Variants in TMTC2 observed in about 807,000 individuals in gnomAD.
TMTC2 encodes protein O-mannosyl-transferase TMTC2.
TMTC2 carries 43 observed loss-of-function variants against 82.4 expected under a neutral mutation model. That is an observed-to-expected ratio of 0.52 (90% CI 0.41 to 0.67). TMTC2 has a LOEUF of 0.67. TMTC2 is among the 30% of genes least tolerant of loss of function. TMTC2 has a pLI of 0.00. For synonymous variants in TMTC2, 408 were observed against 381.9 expected (o/e 1.07, Z -0.80); for missense variants, 919 against 1,012.4 (o/e 0.91, Z 1.25).
At chr12:82,732,379 G>T (rs1043770726) in intron 1 of TMTC2, among the ~76,000 whole-genome samples, 1 of 151,644 alleles carries the variant, frequency 6.6e-6, no homozygotes, top group Non-Finnish European at 1.5e-5. Flanking sequence ...TTCTTGTCCT[G>T]TCGCCCAGGC....
intron 11 of TMTC2, among the ~76,000 whole-genome samples, chr12:83,091,659 A>G (rs995256152): frequency 6.6e-6 from 1 of 152,076 alleles, no homozygotes; most frequent in Non-Finnish European, 1.5e-5. Flanking sequence ...TTATGTATGT[A>G]TTATCATTTG....
intron 1 of TMTC2, among the ~76,000 whole-genome samples, chr12:82,838,935 G>A (rs1870193920): frequency 6.6e-6 from 1 of 152,106 alleles, no homozygotes; most frequent in Admixed American, 6.6e-5. Context: ...AGCCATTTAT[G>A]ATGCCATAAG....
intron 8 of TMTC2, among the ~76,000 whole-genome samples, chr12:83,022,178 T>C (rs1880962904): frequency 6.6e-6 from 1 of 151,914 alleles, no homozygotes; most frequent in South Asian, 2.1e-4. Flanking sequence ...CACAGTCTGG[T>C]CCCTCCTGTC....
At chr12:82,836,932 A>G (rs1333322417) in intron 1 of TMTC2, among the ~76,000 whole-genome samples, 2 of 152,048 alleles carry the variant, frequency 1.3e-5, no homozygotes, top group African/African-American at 2.4e-5. Context: ...TCCCAAGCCT[A>G]CTCAAAATAT....
At chr12:82,862,903 A>T (rs950984824) in intron 2 of TMTC2, among the ~76,000 whole-genome samples, 3 of 152,212 alleles carry the variant, frequency 2.0e-5, no homozygotes, top group Admixed American at 2.0e-4. Context: ...ATATTCTATT[A>T]AAGATTTTTG....
intron 8 of TMTC2, among the ~76,000 whole-genome samples, chr12:82,995,750 G>A (rs1228576433): frequency 6.6e-6 from 1 of 152,088 alleles, no homozygotes; most frequent in Non-Finnish European, 1.5e-5. Context: ...TGTTTTGTGA[G>A]GTGGCTCCCT....
At chr12:82,833,272 A>C (rs183544963) in intron 1 of TMTC2, among the ~76,000 whole-genome samples, 2 of 152,222 alleles carry the variant, frequency 1.3e-5, no homozygotes, top group African/African-American at 4.8e-5. Context: ...TTTATCAACT[A>C]AAGTAGGTGC....
intron 11 of TMTC2, among the ~76,000 whole-genome samples, chr12:83,107,696 C>T (rs895456680): frequency 6.6e-6 from 1 of 152,192 alleles, no homozygotes; most frequent in Non-Finnish European, 1.5e-5. Context: ...GTGAACATAT[C>T]ATGTGACTCC....
At chr12:82,946,288 G>A (rs1434152760) in intron 4 of TMTC2, among the ~76,000 whole-genome samples, 1 of 152,146 alleles carries the variant, frequency 6.6e-6, no homozygotes, top group Non-Finnish European at 1.5e-5. Flanking sequence ...CTTAGTGTCT[G>A]CAATAGTGCT....
At chr12:83,077,968 C>T (rs141276271) in intron 11 of TMTC2, among the ~76,000 whole-genome samples, 1 of 151,178 alleles carries the variant, frequency 6.6e-6, no homozygotes, top group African/African-American at 2.4e-5. Flanking sequence ...TCCTCCCCCC[C>T]ACAATACCTA....
At chr12:83,054,944 A>G (rs1207883026) in intron 10 of TMTC2, among the ~76,000 whole-genome samples, 1 of 152,058 alleles carries the variant, frequency 6.6e-6, no homozygotes, top group Non-Finnish European at 1.5e-5. Flanking sequence ...TTGTGCAGCA[A>G]CAAGATTTTC....
At chr12:82,704,044 A>G (rs1224790214) in intron 1 of TMTC2, among the ~76,000 whole-genome samples, 2 of 152,164 alleles carry the variant, frequency 1.3e-5, no homozygotes, top group Non-Finnish European at 2.9e-5. Context: ...ATCTTTATGT[A>G]CTTAGAATTT....
intron 1 of TMTC2, among the ~76,000 whole-genome samples, chr12:82,847,397 C>T (rs967741405): frequency 6.6e-6 from 1 of 152,134 alleles, no homozygotes; most frequent in African/African-American, 2.4e-5. Flanking sequence ...CAGTACCAAT[C>T]ATCTCTAATT....
intron 11 of TMTC2, among the ~76,000 whole-genome samples, chr12:83,074,691 C>A: frequency 6.6e-6 from 1 of 152,004 alleles, no homozygotes; most frequent in Non-Finnish European, 1.5e-5. Context: ...CCCATTGTGC[C>A]CCCCAGCTAC....
intron 8 of TMTC2, among the ~76,000 whole-genome samples, chr12:82,997,040 G>T (rs1477267310): frequency 6.6e-6 from 1 of 151,502 alleles, no homozygotes; most frequent in African/African-American, 2.4e-5. Flanking sequence ...GAGGGTGTCT[G>T]TCTTCCCCTT....
chr12:82,930,995 A>C (rs1246269901), intron 4 of TMTC2, among the ~76,000 whole-genome samples: 1 of 152,034 alleles, frequency 6.6e-6, no homozygotes, highest in Non-Finnish European at 1.5e-5. Context: ...TGCAGCCTCA[A>C]ACTCCTGAGC....
chr12:83,118,472 TG>T (rs1328986863), intron 11 of TMTC2, among the ~76,000 whole-genome samples: 1 of 151,852 alleles, frequency 6.6e-6, no homozygotes, highest in Admixed American at 6.6e-5. Flanking sequence ...GTGTGTCACA[TG>T]TATTGACTTG....
intron 2 of TMTC2, among the ~76,000 whole-genome samples, chr12:82,885,769 A>C (rs549106478): frequency 1.4e-4 from 22 of 152,274 alleles, no homozygotes; most frequent in African/African-American, 5.1e-4. Context: ...ACCACTATAA[A>C]GTTGACCTTC....
intron 2 of TMTC2, among the ~76,000 whole-genome samples, chr12:82,876,147 G>GGTGGTA (rs1872557544): frequency 1.4e-5 from 2 of 146,328 alleles, no homozygotes; most frequent in Admixed American, 6.8e-5. Flanking sequence ...TGGTGGTGGT[G>GGTGGTA]GTGGTGGTAG....
Sources: gnomAD v4.1 joint callset for allele counts (sites outside exome capture counted in the v4.1 genomes callset) on GRCh38, gnomAD v4.1.1 for gene constraint, MANE v1.5 for transcripts, NCBI Gene and HGNC (gene_info 2026-07-23, HGNC 2026-07-21) for gene names.